Variants in SFMBT1 observed in about 807,000 individuals in gnomAD.
SFMBT1 encodes Scm like with four mbt domains 1.
A neutral mutation model predicts 108.7 loss-of-function variants in SFMBT1; 32 were observed. That is an observed-to-expected ratio of 0.29 (90% CI 0.22 to 0.40). The LOEUF (loss-of-function observed/expected upper bound fraction) is 0.40, where lower values mean the gene tolerates loss of function less well. Among genes scored for constraint, SFMBT1 ranks in the 10% least tolerant of loss-of-function variants. The pLI is 1.00. For missense variants in SFMBT1, 816 were observed against 1,059.6 expected (o/e 0.77, Z 3.19); for synonymous variants, 348 against 369.5 (o/e 0.94, Z 0.67).
Position 52,929,855 on chromosome 3 carries a change from G to T in SFMBT1, c.897+474C>A, listed in dbSNP as rs117299409. Among the ~76,000 whole-genome samples, 150 of 152,232 alleles carry T rather than the reference G, an allele frequency of 9.9e-4. 3 individuals carry two copies. The East Asian group carries it at 0.029, about 29-fold the overall frequency. On this transcript the variant is annotated intron_variant, in intron 8 of 20. Coordinates refer to ENST00000394752, the MANE Select transcript of SFMBT1 (RefSeq NM_016329.4). ...CTTGATAACCTTACTTCTTAGTTTT[G>T]TCAGTATTCCAAAAGATTAAATCTG...
intron 12 of SFMBT1, among the ~76,000 whole-genome samples, 193 bp downstream of exon 12, chr3:52,920,344 T>G (rs909625524): frequency 2.6e-5 from 4 of 152,164 alleles, no homozygotes; most frequent in African/African-American, 4.8e-5. Context: ...CCCACCTAAG[T>G]TGCACCCAAA....
chr3:52,970,904 C>T (rs754911091), intron 1 of SFMBT1, among the ~76,000 whole-genome samples: 3 of 152,060 alleles, frequency 2.0e-5, no homozygotes, highest in Non-Finnish European at 4.4e-5. Flanking sequence ...GAGGCCAAGG[C>T]GGGCAGATCA....
intron 12 of SFMBT1, among the ~76,000 whole-genome samples, chr3:52,919,347 A>G (rs1450927429): frequency 1.3e-5 from 2 of 152,220 alleles, no homozygotes; most frequent in African/African-American, 4.8e-5. Context: ...TCAGCTATAT[A>G]AAGGAATAAA....
At position 52,996,643 on chromosome 3, in the gene SFMBT1, C is replaced by T. The variant is rs1184072067; in HGVS notation, c.-130-27385G>A. ...TTAAAACCACTATGAAGTATCATTACACACCAACTAAAATGGCTAAAATAC... is the reference window on the plus strand; with the variant it reads ...TTAAAACCACTATGAAGTATCATTATACACCAACTAAAATGGCTAAAATAC... On this transcript the variant is annotated intron_variant, in intron 1 of 20. Transcript: ENST00000394752. 2.0e-5 allele frequency among the ~76,000 whole-genome samples: 3 copies of T among 150,448 alleles called. 1 individual carries two copies. The Admixed American group carries it at 2.0e-4, about 10-fold the overall frequency.
chr3:52,966,348 C>T (rs1291136979), intron 2 of SFMBT1, among the ~76,000 whole-genome samples: 4 of 147,938 alleles, frequency 2.7e-5, no homozygotes, highest in South Asian at 2.1e-4. Flanking sequence ...GGACTAAAGC[C>T]GGCGCGGTGG....
intron 2 of SFMBT1, among the ~76,000 whole-genome samples, chr3:52,958,499 G>C (rs1226383844): frequency 6.6e-6 from 1 of 152,198 alleles, no homozygotes; most frequent in African/African-American, 2.4e-5. Flanking sequence ...GCTGAGGCAG[G>C]AGAATCTCTT....
chr3:52,967,832 G>C (rs1704198651), intron 2 of SFMBT1, among the ~76,000 whole-genome samples: 1 of 152,208 alleles, frequency 6.6e-6, no homozygotes, highest in Admixed American at 6.5e-5. Flanking sequence ...CCAGATAGCA[G>C]TGAGGATGTA....
intron 1 of SFMBT1, among the ~76,000 whole-genome samples, chr3:52,982,247 A>G (rs904567441): frequency 6.6e-6 from 1 of 152,240 alleles, no homozygotes; most frequent in Admixed American, 6.5e-5. Flanking sequence ...TGGAAGGATT[A>G]CACTATTGAA....
intron 1 of SFMBT1, among the ~76,000 whole-genome samples, chr3:53,014,693 A>G (rs927699434): frequency 2.6e-5 from 4 of 152,134 alleles, no homozygotes; most frequent in Admixed American, 6.5e-5. Flanking sequence ...GCAACACAAA[A>G]TCAGGTGTCA....
chr3:52,964,017 T>C (rs571092849), intron 2 of SFMBT1, among the ~76,000 whole-genome samples: 2 of 152,164 alleles, frequency 1.3e-5, no homozygotes, highest in South Asian at 4.2e-4. Context: ...TTATTTTTGT[T>C]TGTTTGTTTT....
chr3:52,967,831 A>G (rs62253649), intron 2 of SFMBT1, among the ~76,000 whole-genome samples: 40,945 of 152,056 alleles, frequency 0.27, 6,067 homozygotes, highest in Middle Eastern at 0.4. Flanking sequence ...ACCAGATAGC[A>G]GTGAGGATGT....
At chr3:52,947,381 T>C (rs1703406913) in intron 3 of SFMBT1, among the ~76,000 whole-genome samples, 1 of 152,214 alleles carries the variant, frequency 6.6e-6, no homozygotes, top group Non-Finnish European at 1.5e-5. Context: ...CCTCCCAAAG[T>C]GCTGGGATTA....
intron 1 of SFMBT1, among the ~76,000 whole-genome samples, chr3:53,038,348 CA>C (rs1699930769): frequency 6.6e-6 from 1 of 152,160 alleles, no homozygotes; most frequent in African/African-American, 2.4e-5. Flanking sequence ...CTCTAGGAAA[CA>C]ACTAACCATT....
At chr3:52,997,055 C>T (rs1211573179) in intron 1 of SFMBT1, among the ~76,000 whole-genome samples, 1 of 147,940 alleles carries the variant, frequency 6.8e-6, no homozygotes, top group Admixed American at 6.8e-5. Flanking sequence ...GGCGACTGAG[C>T]GAGACTCAGT....
At chr3:52,963,850 A>G (rs984482806) in intron 2 of SFMBT1, among the ~76,000 whole-genome samples, 7 of 152,220 alleles carry the variant, frequency 4.6e-5, no homozygotes, top group African/African-American at 1.7e-4. Flanking sequence ...ACTGTGGTTG[A>G]TATCTAAAAT....
chr3:52,970,045 G>C (rs1242566076), intron 1 of SFMBT1, among the ~76,000 whole-genome samples: 1 of 151,582 alleles, frequency 6.6e-6, no homozygotes, highest in Non-Finnish European at 1.5e-5. Flanking sequence ...GGAGGTTGCA[G>C]AGCCAAGATC....
intron 1 of SFMBT1, among the ~76,000 whole-genome samples, chr3:53,042,607 T>C (rs1157025871): frequency 6.6e-6 from 1 of 152,198 alleles, no homozygotes; most frequent in Admixed American, 6.5e-5. Flanking sequence ...CCTCCCAAAG[T>C]GCTGGGATTA....
intron 4 of SFMBT1, among the ~76,000 whole-genome samples, chr3:52,937,083 C>T (rs1319948039): frequency 1.3e-5 from 2 of 151,876 alleles, no homozygotes; most frequent in Admixed American, 6.6e-5. Flanking sequence ...CCTTGTGATC[C>T]GCCTGCCTCA....
At chr3:52,972,744 AACACACACACACAC>A (rs55859723) in intron 1 of SFMBT1, among the ~76,000 whole-genome samples, 57 of 95,138 alleles carry the variant, frequency 6.0e-4, no homozygotes, top group African/African-American at 1.2e-3. Flanking sequence ...ATCTCTACTA[AACACACACACACAC>A]ACACACACAC....
Sources: gnomAD v4.1 joint callset for allele counts (sites outside exome capture counted in the v4.1 genomes callset) on GRCh38, gnomAD v4.1.1 for gene constraint, MANE v1.5 for transcripts, NCBI Gene and HGNC (gene_info 2026-07-23, HGNC 2026-07-21) for gene names.